The following TPRG1 variants were observed in gnomAD, a reference collection of about 807,000 sequenced individuals.
The protein encoded by TPRG1 is tumor protein p63 regulated 1, also known as tumor protein p63-regulated gene 1 protein.
TPRG1 carries 29 observed loss-of-function variants against 29.3 expected under a neutral mutation model. That is an observed-to-expected ratio of 0.99 (90% CI 0.74 to 1.35). TPRG1 has a LOEUF of 1.35. Among genes scored for constraint, TPRG1 ranks in the 40% most tolerant of loss-of-function variants. TPRG1 has a pLI of 0.00. For synonymous variants in TPRG1, 130 were observed against 116.8 expected, an observed-to-expected ratio of 1.11 and a Z score of -0.73; for missense variants, 327 against 335.0, an observed-to-expected ratio of 0.98 and a Z score of 0.19.
chr3:189,152,179 T>TA (rs1726026593), intron 5 of TPRG1, among the ~76,000 whole-genome samples: 1 of 152,242 alleles, frequency 6.6e-6, no homozygotes, highest in South Asian at 2.1e-4. Context: ...GTTTTTTTTT[T>TA]ATGTTACCAA....
chr3:189,064,954 T>C (rs28872279), intron 4 of TPRG1, among the ~76,000 whole-genome samples: 5,537 of 152,160 alleles, frequency 0.036, 331 homozygotes, highest in African/African-American at 0.13. Context: ...TTTGAGAGGT[T>C]GAGATGGGAG....
chr3:189,194,154 G>C (rs912883535), intron 1 of TPRG1, among the ~76,000 whole-genome samples: 12 of 152,080 alleles, frequency 7.9e-5, no homozygotes, highest in Non-Finnish European at 1.6e-4. Context: ...GCAATGGTAT[G>C]ATCTCTGTGC....
intron 4 of TPRG1, among the ~76,000 whole-genome samples, chr3:189,077,757 T>G (rs999822353): frequency 6.6e-6 from 1 of 152,224 alleles, no homozygotes; most frequent in Non-Finnish European, 1.5e-5. Context: ...GATTAGATTT[T>G]TATTAATCTG....
chr3:189,226,557 T>G (rs1031446314), intron 3 of TPRG1, among the ~76,000 whole-genome samples: 2 of 151,904 alleles, frequency 1.3e-5, no homozygotes, highest in East Asian at 3.9e-4. Context: ...AAAGGAAAAG[T>G]GTACATATTA....
At chr3:189,149,493 G>A (rs912173903) in intron 4 of TPRG1, among the ~76,000 whole-genome samples, 3 of 152,174 alleles carry the variant, frequency 2.0e-5, no homozygotes, top group Non-Finnish European at 4.4e-5. Flanking sequence ...CTTCTAGATG[G>A]CATTTGCCAC....
chr3:189,099,328 C>T (rs2152187661), upstream of TPRG1, among the ~76,000 whole-genome samples: 1 of 152,212 alleles, frequency 6.6e-6, no homozygotes, highest in Non-Finnish European at 1.5e-5. Context: ...CAAGAAAAGG[C>T]AGGGTTGCTC....
At chr3:189,141,828 A>G (rs1229027112) in intron 3 of TPRG1, among the ~76,000 whole-genome samples, 1 of 152,228 alleles carries the variant, frequency 6.6e-6, no homozygotes, top group Non-Finnish European at 1.5e-5. Flanking sequence ...AAAAGCTGTG[A>G]CAAGTGTAAT....
At chr3:189,088,639 T>G (rs1718121954) in intron 4 of TPRG1, among the ~76,000 whole-genome samples, 1 of 152,200 alleles carries the variant, frequency 6.6e-6, no homozygotes, top group Admixed American at 6.5e-5. Context: ...AAACTTATAA[T>G]AAATCATCTA....
chr3:189,059,546 C>T (rs937938844), intron 4 of TPRG1, among the ~76,000 whole-genome samples: 6 of 151,344 alleles, frequency 4.0e-5, no homozygotes, highest in South Asian at 2.1e-4. Context: ...GAGCTGAGAT[C>T]GCGCCACTGC....
At chr3:189,181,879 G>A (rs1181345845) in intron 1 of TPRG1, among the ~76,000 whole-genome samples, 1 of 152,212 alleles carries the variant, frequency 6.6e-6, no homozygotes, top group African/African-American at 2.4e-5. Context: ...ATGAAAGAAA[G>A]AGTTTTAATG....
At position 189,293,968 on chromosome 3, in the gene TPRG1, T is replaced by C. The variant is rs147942403; in HGVS notation, c.480-16418T>C. 3.0e-3 allele frequency among the ~76,000 whole-genome samples: 460 copies of C among 152,344 alleles called. 1 individual carries two copies. Among genetic ancestry groups the C allele is most frequent in the African/African-American group, 0.011 (448 of 41,580 alleles). ...CTCCTGAGCCTAGTTTCCAATATCT[T>C]CTACTACCTGTCTGCAATCTATCTG... On this transcript the variant is annotated intron_variant, in intron 4 of 5. Transcript: ENST00000345063.
At chr3:189,319,727 A>G (rs893548911) in intron 5 of TPRG1, among the ~76,000 whole-genome samples, 10 of 152,100 alleles carry the variant, frequency 6.6e-5, no homozygotes, top group African/African-American at 2.4e-4. Context: ...AAATAACAGC[A>G]TACAACATTG....
intron 4 of TPRG1, among the ~76,000 whole-genome samples, chr3:189,264,805 TATTC>T (rs1427358118): frequency 6.6e-6 from 1 of 152,222 alleles, no homozygotes; most frequent in East Asian, 1.9e-4. Context: ...CTTCCCCAAA[TATTC>T]AGTCAGTAAA....
At chr3:189,314,164 G>A (rs975192267) in intron 5 of TPRG1, among the ~76,000 whole-genome samples, 1 of 152,158 alleles carries the variant, frequency 6.6e-6, no homozygotes, top group Admixed American at 6.5e-5. Context: ...GAAAAAGTAG[G>A]TTTGGGGACT....
At chr3:189,163,555 A>G (rs1727758385) in intron 5 of TPRG1, among the ~76,000 whole-genome samples, 1 of 152,178 alleles carries the variant, frequency 6.6e-6, no homozygotes, top group Non-Finnish European at 1.5e-5. Context: ...TTAAAACCCT[A>G]ACATTCATAG....
intron 4 of TPRG1, among the ~76,000 whole-genome samples, chr3:189,252,148 C>T (rs553218358): frequency 6.6e-6 from 1 of 152,254 alleles, no homozygotes; most frequent in Admixed American, 6.5e-5. Context: ...CTTGCACCGC[C>T]CTTAATCCAT....
intron 4 of TPRG1, among the ~76,000 whole-genome samples, chr3:189,282,351 G>A (rs1415996987): frequency 6.6e-6 from 1 of 151,954 alleles, no homozygotes; most frequent in Non-Finnish European, 1.5e-5. Flanking sequence ...CTTTCAGCAA[G>A]CCAGGCCAGC....
chr3:189,231,975 T>TGTGTGTGTGTGTGTGTG (rs1553927561), intron 3 of TPRG1, among the ~76,000 whole-genome samples: 13 of 107,682 alleles, frequency 1.2e-4, no homozygotes, highest in Admixed American at 3.7e-4. Flanking sequence ...GTGTGTGTGT[T>TGTGTGTGTGTGTGTGTG]TGGGTGTATA....
At chr3:189,232,518 C>G (rs964564773) in intron 3 of TPRG1, among the ~76,000 whole-genome samples, 1 of 152,170 alleles carries the variant, frequency 6.6e-6, no homozygotes, top group African/African-American at 2.4e-5. Context: ...TGTCAAGCCT[C>G]GTTACACCAC....
Sources: allele counts gnomAD v4.1 joint callset (sites outside exome capture counted in the v4.1 genomes callset), GRCh38; gene constraint gnomAD v4.1.1; transcripts MANE v1.5; gene names NCBI Gene and HGNC (gene_info 2026-07-23, HGNC 2026-07-21).